Variants in VWA3B observed in about 807,000 individuals in gnomAD.
The protein encoded by VWA3B is von Willebrand factor A domain containing 3B.
A neutral mutation model predicts 158.3 loss-of-function variants in VWA3B; 138 were observed. The observed-to-expected ratio is 0.87, with a 90% confidence interval of 0.76 to 1.00. VWA3B has a LOEUF of 1.00. VWA3B is among the 50% of genes least tolerant of loss of function. The probability of loss-of-function intolerance (pLI) is 0.00; values close to 1 mark genes in which losing one functional copy is unlikely to be tolerated. For synonymous variants in VWA3B, 596 were observed against 587.3 expected (o/e 1.01, Z -0.21); for missense variants, 1,555 against 1,565.1 (o/e 0.99, Z 0.11).
At chr2:98,330,047 G>A in the VWA3B span, among the ~76,000 whole-genome samples, 9 of 152,176 alleles carry the variant, frequency 5.9e-5, no homozygotes, top group African/African-American at 2.2e-4. Flanking sequence ...TGAGAACTAA[G>A]GCAGAAACAT....
chr2:98,315,739 A>G (rs1317697165), downstream of VWA3B, among the ~76,000 whole-genome samples: 1 of 152,244 alleles, frequency 6.6e-6, no homozygotes, highest in Non-Finnish European at 1.5e-5. Flanking sequence ...AGAGAAATCA[A>G]TTAGAGGAAT....
At chr2:98,120,727 G>C (rs1052520276) in intron 4 of VWA3B, among the ~76,000 whole-genome samples, 1 of 152,184 alleles carries the variant, frequency 6.6e-6, no homozygotes, top group Non-Finnish European at 1.5e-5. Context: ...AGTTCTACCA[G>C]TCTTTTATAA....
At chr2:98,204,545 C>G (rs1682853492) in intron 12 of VWA3B, among the ~76,000 whole-genome samples, 1 of 152,168 alleles carries the variant, frequency 6.6e-6, no homozygotes, top group Admixed American at 6.5e-5. Context: ...TGAACCAACT[C>G]TGAATACATA....
intron 12 of VWA3B, among the ~76,000 whole-genome samples, chr2:98,198,142 A>AT (rs1383538500): frequency 1.3e-5 from 2 of 152,154 alleles, no homozygotes; most frequent in African/African-American, 4.8e-5. Flanking sequence ...TCATGCGTTC[A>AT]TACTGATACC....
intron 9 of VWA3B, among the ~76,000 whole-genome samples, chr2:98,187,698 G>GTGTGTT (rs1377346421): frequency 6.7e-6 from 1 of 149,626 alleles, no homozygotes; most frequent in African/African-American, 2.4e-5. Context: ...GTGTGTGTGT[G>GTGTGTT]TGTGTCGGTT....
At chr2:98,168,227 T>TA (rs1222953641) in intron 8 of VWA3B, among the ~76,000 whole-genome samples, 3 of 152,296 alleles carry the variant, frequency 2.0e-5, no homozygotes, top group Non-Finnish European at 4.4e-5. Context: ...CAAAAGCTAA[T>TA]ACGAGGCATA....
intron 22 of VWA3B, 86 bp downstream of exon 22, chr2:98,270,969 T>C (rs1574247886): frequency 7.6e-7 from 1 of 1,319,594 alleles, no homozygotes; most frequent in Non-Finnish European, 1.1e-6. Context: ...CTTCTCTGTC[T>C]CCCACTCCCC....
chr2:98,167,674 GT>G (rs1318487276), intron 8 of VWA3B, among the ~76,000 whole-genome samples: 1 of 152,314 alleles, frequency 6.6e-6, no homozygotes, highest in Non-Finnish European at 1.5e-5. Flanking sequence ...TCTGCAAAGG[GT>G]CCCCCTCAAG....
At chr2:98,190,501 A>AT (rs1021955999) in intron 10 of VWA3B, among the ~76,000 whole-genome samples, 3 of 151,850 alleles carry the variant, frequency 2.0e-5, no homozygotes, top group African/African-American at 7.3e-5. Flanking sequence ...ATTTGGTATC[A>AT]TTTTTTTTCC....
chr2:98,096,171 T>C (rs1273581733), intron 2 of VWA3B, among the ~76,000 whole-genome samples: 1 of 152,224 alleles, frequency 6.6e-6, no homozygotes, highest in East Asian at 1.9e-4. Context: ...CTTCAAGTTT[T>C]TGGGAAGAGT....
At chr2:98,113,959 T>A (rs1674335415) in intron 2 of VWA3B, among the ~76,000 whole-genome samples, 1 of 152,240 alleles carries the variant, frequency 6.6e-6, no homozygotes, top group Non-Finnish European at 1.5e-5. Context: ...TTAAGTTGGC[T>A]GGACTCAAAC....
chr2:98,098,049 G>T (rs1682833202), intron 2 of VWA3B, among the ~76,000 whole-genome samples: 1 of 152,050 alleles, frequency 6.6e-6, no homozygotes. Context: ...TCCTAGTGCT[G>T]ATTTCCAGTT....
chr2:98,264,205 TTTTTTCTATTG>T (rs1288279857), intron 21 of VWA3B, among the ~76,000 whole-genome samples: 1 of 152,044 alleles, frequency 6.6e-6, no homozygotes, highest in Non-Finnish European at 1.5e-5. Flanking sequence ...TTCATTGATT[TTTTTTCTATTG>T]TTTTTCTATA....
At chr2:98,100,344 C>T (rs1268400117) in intron 2 of VWA3B, among the ~76,000 whole-genome samples, 1 of 152,200 alleles carries the variant, frequency 6.6e-6, no homozygotes, top group Admixed American at 6.5e-5. Context: ...ATGACTGGCA[C>T]AGTGCTGGGT....
intron 8 of VWA3B, among the ~76,000 whole-genome samples, chr2:98,169,795 A>G (rs186272426): frequency 4.0e-5 from 6 of 151,608 alleles, no homozygotes; most frequent in Admixed American, 6.6e-5. Flanking sequence ...ACCCTCAAAC[A>G]TGAAGATGGC....
chr2:98,237,942 CTT>C (rs1446451359), intron 19 of VWA3B, among the ~76,000 whole-genome samples: 2 of 152,120 alleles, frequency 1.3e-5, no homozygotes, highest in Admixed American at 6.5e-5. Context: ...TTGGATAAGA[CTT>C]AGTGAGAAGG....
intron 26 of VWA3B, among the ~76,000 whole-genome samples, chr2:98,305,251 C>T (rs1186844847): frequency 6.6e-6 from 1 of 152,224 alleles, no homozygotes; most frequent in East Asian, 1.9e-4. Flanking sequence ...CCAACCCAGG[C>T]TGCTCTCCTG....
At chr2:98,166,581 A>T (rs1265010949) in intron 8 of VWA3B, among the ~76,000 whole-genome samples, 1 of 152,116 alleles carries the variant, frequency 6.6e-6, no homozygotes, top group East Asian at 1.9e-4. Flanking sequence ...TGGACTTCCA[A>T]CCTCAGAGAG....
At chr2:98,272,014 G>A (rs566038827) in intron 22 of VWA3B, among the ~76,000 whole-genome samples, 1 of 152,212 alleles carries the variant, frequency 6.6e-6, no homozygotes, top group Non-Finnish European at 1.5e-5. Context: ...AGGGAAGAAG[G>A]CTTCTGTGAC....
Sources: gnomAD v4.1 joint callset for allele counts (sites outside exome capture counted in the v4.1 genomes callset) on GRCh38, gnomAD v4.1.1 for gene constraint, MANE v1.5 for transcripts, NCBI Gene and HGNC (gene_info 2026-07-23, HGNC 2026-07-21) for gene names.